VPS13C: variants seen among roughly 807,000 people sequenced by gnomAD.
VPS13C encodes the protein vacuolar protein sorting 13 homolog C.
In VPS13C, 358 loss-of-function variants were observed where a neutral mutation model predicts 456.8. The observed-to-expected ratio is 0.78, with a 90% CI of 0.72 to 0.86. The LOEUF is 0.86. Among genes scored for constraint, VPS13C ranks in the 40% least tolerant of loss-of-function variants. The pLI is 0.00. For missense variants in VPS13C, 4,818 were observed against 4,385.4 expected, an observed-to-expected ratio of 1.10 and a Z score of -2.79; for synonymous variants, 1,578 against 1,486.7, an observed-to-expected ratio of 1.06 and a Z score of -1.41.
chr15:61,913,227 C>T lies in VPS13C; in HGVS notation c.8550+84G>A, dbSNP rs1191490747. On this transcript the variant is annotated intron_variant, in intron 62 of 84. Transcript: ENST00000644861. The stretch of plus-strand genomic sequence containing the variant: ...AATCATGCTGCTATAAAGACACATG[C>T]ACACATATGTTTATTCCAACTTGTT... 4 of 1,197,514 alleles carry T rather than the reference C, an allele frequency of 3.3e-6. No individual in the cohort carries two copies. In the African/African-American group the frequency reaches 6.0e-5, roughly 18 times the overall value. The allele number at this position is 1,197,514 out of a possible 1,614,324, so 74.2% of individuals were successfully genotyped here.
At chr15:62,005,724 A>G (rs1378288954) in intron 15 of VPS13C, among the ~76,000 whole-genome samples, 1 of 150,018 alleles carries the variant, frequency 6.7e-6, no homozygotes, top group Non-Finnish European at 1.5e-5. Flanking sequence ...TTTTCTTGAG[A>G]GGGAGTTTCG....
intron 18 of VPS13C, among the ~76,000 whole-genome samples, chr15:61,987,941 A>G (rs1333841070): frequency 6.6e-6 from 1 of 152,216 alleles, no homozygotes; most frequent in African/African-American, 2.4e-5. Context: ...GTATGTTCAT[A>G]GCAGTGTTAT....
At chr15:62,008,023 A>C (rs1388761082) in intron 14 of VPS13C, among the ~76,000 whole-genome samples, 2 of 151,998 alleles carry the variant, frequency 1.3e-5, no homozygotes, top group African/African-American at 4.8e-5. Context: ...AGTAGATCAC[A>C]AGGTCAGGAG....
At position 61,973,391 on chromosome 15, in the gene VPS13C, T is replaced by C. The variant is rs548572851; in HGVS notation, c.2617+63A>G. 91 of 1,366,078 alleles carry C rather than the reference T, an allele frequency of 6.7e-5. 1 individual carries two copies. In the African/African-American group the frequency reaches 1.1e-3, roughly 16 times the overall value. The allele number at this position is 1,366,078 out of a possible 1,614,324, so 84.6% of individuals were successfully genotyped here. A position where few individuals can be genotyped will look rare whatever the true frequency, so the allele number is the denominator to read the frequency against. ...AGACTGCCCTTATTTTCTGAAAATG[T>C]TATCTCTGTATAACAATGTATAGGC... On this transcript the variant is annotated intron_variant, in intron 26 of 84. Coordinates refer to ENST00000644861, the MANE Select transcript of VPS13C (RefSeq NM_020821.3).
In VPS13C at chr15:61,962,850, G is replaced by A; in HGVS notation, c.3334C>T (p.Leu1112=). The A allele has an allele frequency of 5.0e-6, 8 of 1,588,248 alleles. No homozygotes were observed. Among genetic ancestry groups the A allele is most frequent in the Non-Finnish European group, 6.9e-6 (8 of 1,163,124 alleles). The change falls in exon 33 of 85, where the codon CTG becomes TTG. Residue 1112 remains leucine, a splice_region_variant and synonymous_variant. Transcript: ENST00000644861. ...NNIAEIKIQG[L]DSSLSLQSRK... is the part of the protein sequence containing the mutation. Reference sequence around the variant, plus strand: ...GACTGGAGAGAAAGGGAGGAATCCAGTCCTGAAAAAAAGAGTGTATTATTA... The same window carrying A: ...GACTGGAGAGAAAGGGAGGAATCCAATCCTGAAAAAAAGAGTGTATTATTA...
At chr15:61,978,872 C>T in intron 22 of VPS13C, 123 bp from the exon 23 acceptor site, 1 of 823,354 alleles carries the variant, frequency 1.2e-6, no homozygotes, top group Non-Finnish European at 1.8e-6. Flanking sequence ...GAAAATACTG[C>T]TCTTAATGAA....
chr15:62,035,271 T>C (rs1006632949), intron 3 of VPS13C, among the ~76,000 whole-genome samples: 3 of 152,002 alleles, frequency 2.0e-5, no homozygotes, highest in East Asian at 3.8e-4. Context: ...TTTTTCAATA[T>C]AAAATATTTT....
Position 61,942,064 on chromosome 15 carries a change from A to C in VPS13C, c.5152T>G (p.Phe1718Val). The change falls in exon 46 of 85, where the codon TTC becomes GTC. Residue 1718 changes from phenylalanine (F) to valine (V), a missense_variant. Phe to Val is a conservative substitution (Grantham distance 50). Transcript: ENST00000644861. ...VHKFFMSLLN[F>V]LNNFQTAKEA... is the part of the protein sequence containing the mutation. ...TTAGCAGTTTGGAAATTGTTGAGGA[A>C]GTTCTGTTGGAAGAGACAGATATTT... 6.3e-7 allele frequency: 1 copy of C among 1,578,094 alleles called. No individual in the cohort carries two copies. Among genetic ancestry groups the C allele is most frequent in the Non-Finnish European group, 8.6e-7 (1 of 1,158,468 alleles).
At chr15:61,857,961 C>G (rs1309878429) in intron 82 of VPS13C, among the ~76,000 whole-genome samples, 3 of 152,110 alleles carry the variant, frequency 2.0e-5, no homozygotes, top group Non-Finnish European at 2.9e-5. Flanking sequence ...ATCCCTAGCC[C>G]CAGCCTAGTA....
At chr15:61,885,806 C>T (rs113207934) in intron 67 of VPS13C, among the ~76,000 whole-genome samples, 22 of 152,178 alleles carry the variant, frequency 1.4e-4, no homozygotes, top group African/African-American at 5.1e-4. Context: ...GTATTTCTTT[C>T]GCTGGTTTGA....
In VPS13C at chr15:62,044,259, T is replaced by TA. The variant is rs1490423546; in HGVS notation, c.101-5dup. 6 of 1,465,206 alleles carry TA rather than the reference T, an allele frequency of 4.1e-6. No homozygotes were observed. The highest frequency in any genetic ancestry group is 1.9e-5 in the Admixed American group (1 of 52,030). 90.8% of individuals were successfully genotyped at this position (1,465,206 alleles called of 1,614,324 possible). A position where few individuals can be genotyped will look rare whatever the true frequency, so the allele number is the denominator to read the frequency against. ...AGATTATCTAAAGCCACATTTCCTT[T>TA]AAAAAAAGAAAACAAAGAAAAATAT... On this transcript the variant is annotated splice_polypyrimidine_tract_variant and splice_region_variant and intron_variant, in intron 1 of 84. Coordinates refer to ENST00000644861, the MANE Select transcript of VPS13C (RefSeq NM_020821.3).
Position 62,033,466 on chromosome 15 carries a change from T to C in VPS13C, c.360A>G (p.Glu120=). 3.7e-6 allele frequency: 6 copies of C among 1,605,546 alleles called. No individual in the cohort carries two copies. The highest frequency in any genetic ancestry group is 5.1e-6 in the Non-Finnish European group (6 of 1,175,676). Residue 120 remains glutamate (E), a synonymous_variant, in exon 5 of 85, where the codon GAA becomes GAG. Coordinates refer to ENST00000644861, the MANE Select transcript of VPS13C (RefSeq NM_020821.3). ...CTTTTTCTGCTGCTTTTTGAAGGGC[T>C]TCTTCAATTCGGGATAGCTCTTTCT... ...VKQKELSRIE[E]ALQKAAEKGT...
intron 12 of VPS13C, among the ~76,000 whole-genome samples, chr15:62,011,608 A>G (rs1473243300): frequency 6.6e-6 from 1 of 152,018 alleles, no homozygotes; most frequent in Non-Finnish European, 1.5e-5. Flanking sequence ...AAACAGATGG[A>G]AAAAATAAAT....
At chr15:61,869,860 G>A (rs990135486) in intron 79 of VPS13C, among the ~76,000 whole-genome samples, 7 of 152,130 alleles carry the variant, frequency 4.6e-5, no homozygotes, top group Admixed American at 2.0e-4. Context: ...CTCTGGGGGC[G>A]GGGCCAGCAT....
At chr15:61,924,507 A>G (rs2043778182) in intron 53 of VPS13C, among the ~76,000 whole-genome samples, 1 of 152,184 alleles carries the variant, frequency 6.6e-6, no homozygotes, top group Admixed American at 6.5e-5. Context: ...TAAAAGCTCA[A>G]AAACGTTTTT....
At chr15:62,012,650 CA>C (rs2047086408) in intron 11 of VPS13C, among the ~76,000 whole-genome samples, 1 of 151,718 alleles carries the variant, frequency 6.6e-6, no homozygotes, top group South Asian at 2.1e-4. Flanking sequence ...AAAATCATCA[CA>C]AATGTCTAAA....
At position 61,978,710 on chromosome 15, in the gene VPS13C, A is replaced by C; in HGVS notation, c.2206T>G (p.Ser736Ala). The change falls in exon 23 of 85, where the codon TCA becomes GCA. Residue 736 changes from serine (S) to alanine (A), a missense_variant. Physicochemically the swap from Ser to Ala is moderately conservative, Grantham distance 99 (BLOSUM62 1). Transcript: ENST00000644861. The stretch of plus-strand genomic sequence containing the variant: ...TTATCCATTATTTCTTCCAGAGATG[A>C]ATTAGTAGTCTTCTGTAAACCTTGA... ...KDQGLQKTTN[S>A]SLEEIMDKAY... The C allele has an allele frequency of 5.0e-6, 8 of 1,611,114 alleles. No homozygotes were observed. The highest frequency in any genetic ancestry group is 6.8e-6 in the Non-Finnish European group (8 of 1,178,942).
intron 45 of VPS13C, among the ~76,000 whole-genome samples, chr15:61,945,462 C>T (rs2044571018): frequency 6.6e-6 from 1 of 152,110 alleles, no homozygotes; most frequent in Admixed American, 6.6e-5. Context: ...TAAATTAAAA[C>T]ATAAAACATA....
rs949323647 is a variant in VPS13C, at chr15:61,978,880, G to A, written c.2167-131C>T. 8 of 742,234 alleles carry A rather than the reference G, an allele frequency of 1.1e-5. No homozygotes were observed. In the Admixed American group the frequency reaches 1.8e-4, roughly 17 times the overall value. The allele number at this position is 742,234 out of a possible 1,614,324, so 46.0% of individuals were successfully genotyped here. On this transcript the variant is annotated intron_variant, in intron 22 of 84. Coordinates refer to ENST00000644861, the MANE Select transcript of VPS13C (RefSeq NM_020821.3). ...ACAAATTGAAAATACTGCTCTTAATGAATAAACATTTTAATTTTCAGATAA... is the reference window on the plus strand; with the variant it reads ...ACAAATTGAAAATACTGCTCTTAATAAATAAACATTTTAATTTTCAGATAA...
Sources: allele counts gnomAD v4.1 joint callset (sites outside exome capture counted in the v4.1 genomes callset), GRCh38; gene constraint gnomAD v4.1.1; transcripts MANE v1.5; gene names NCBI Gene and HGNC (gene_info 2026-07-23, HGNC 2026-07-21).